ADGRV1: variants seen among roughly 807,000 people sequenced by gnomAD.
ADGRV1 encodes G-protein coupled receptor 98.
A neutral mutation model predicts 596.2 loss-of-function variants in ADGRV1; 359 were observed. That is an observed-to-expected ratio of 0.60 (90% confidence interval 0.55 to 0.66). The LOEUF (loss-of-function observed/expected upper bound fraction) is 0.66. Ranked by LOEUF, ADGRV1 falls within the 30% of genes least tolerant of loss-of-function variation. The pLI, the probability that ADGRV1 is intolerant of heterozygous loss-of-function variation, is 0.00. For missense variants in ADGRV1, 7,274 were observed against 7,575.6 expected, an observed-to-expected ratio of 0.96 and a Z score of 1.48; for synonymous variants, 2,681 against 2,679.2, an observed-to-expected ratio of 1.00 and a Z score of -0.02.
At chr5:90,662,273 A>G (rs1037622176) in intron 21 of ADGRV1, among the ~76,000 whole-genome samples, 2 of 145,146 alleles carry the variant, frequency 1.4e-5, no homozygotes, top group African/African-American at 5.2e-5. Context: ...GGCTCACTGC[A>G]AGCTCCACCT....
At chr5:90,570,904 G>A (rs1212901649) in intron 1 of ADGRV1, among the ~76,000 whole-genome samples, 5 of 151,928 alleles carry the variant, frequency 3.3e-5, no homozygotes, top group African/African-American at 1.2e-4. Context: ...TCTTTGTCTA[G>A]TAAGTCTAAC....
intron 45 of ADGRV1, among the ~76,000 whole-genome samples, chr5:90,723,599 T>C (rs1335432389): frequency 1.3e-5 from 2 of 152,240 alleles, no homozygotes; most frequent in African/African-American, 4.8e-5. Context: ...CATTTGGGAC[T>C]CTAAATGAAA....
chr5:90,639,509 GT>G (rs892214401), intron 11 of ADGRV1, among the ~76,000 whole-genome samples: 7 of 151,928 alleles, frequency 4.6e-5, no homozygotes, highest in Non-Finnish European at 1.0e-4. Context: ...ATTTTTAAGG[GT>G]TTATTTTGTT....
At chr5:90,587,465 G>A (rs999492942) in intron 1 of ADGRV1, among the ~76,000 whole-genome samples, 3 of 151,712 alleles carry the variant, frequency 2.0e-5, no homozygotes, top group African/African-American at 7.3e-5. Context: ...AAGTCATGAC[G>A]TGATACTGAT....
At chr5:90,604,616 A>T (rs1346146752) in intron 1 of ADGRV1, among the ~76,000 whole-genome samples, 1 of 152,118 alleles carries the variant, frequency 6.6e-6, no homozygotes, top group Non-Finnish European at 1.5e-5. Context: ...CTATCCTTAG[A>T]TCCTTAAGAC....
intron 85 of ADGRV1, among the ~76,000 whole-genome samples, chr5:91,040,574 T>A (rs1166931834): frequency 6.6e-6 from 1 of 152,232 alleles, no homozygotes; most frequent in Non-Finnish European, 1.5e-5. Flanking sequence ...ATATTACGTT[T>A]ATATTAGGTG....
chr5:90,876,598 C>T (rs946321947), intron 83 of ADGRV1, among the ~76,000 whole-genome samples: 1 of 152,128 alleles, frequency 6.6e-6, no homozygotes, highest in African/African-American at 2.4e-5. Flanking sequence ...ACTTGAGCAA[C>T]CTTTCACTCT....
chr5:91,058,407 A>G (rs1031664224), intron 85 of ADGRV1, among the ~76,000 whole-genome samples: 1 of 151,822 alleles, frequency 6.6e-6, no homozygotes, highest in African/African-American at 2.4e-5. Flanking sequence ...TCCAGAATGC[A>G]GGCTTTGAAA....
chr5:91,083,258 G>C (rs1332666688), intron 86 of ADGRV1, among the ~76,000 whole-genome samples: 1 of 151,518 alleles, frequency 6.6e-6, no homozygotes, highest in Non-Finnish European at 1.5e-5. Flanking sequence ...GGGGGGATGG[G>C]GGAGGGATAG....
chr5:90,679,540 C>T lies in ADGRV1; in HGVS notation c.5444-9C>T, dbSNP rs762060668. 1.1e-5 allele frequency: 17 copies of T among 1,608,522 alleles called. No homozygotes were observed. In the Admixed American group the frequency reaches 1.2e-4, roughly 11 times the overall value. On this transcript the variant is annotated splice_polypyrimidine_tract_variant and intron_variant, in intron 25 of 89. Transcript: ENST00000405460. Reference sequence around the variant, plus strand: ...TGTGTGGGTTGTGTCTCTGTGTCTCCTTGTGAAGTAGCTGAACTCTTTAGG... The same window carrying T: ...TGTGTGGGTTGTGTCTCTGTGTCTCTTTGTGAAGTAGCTGAACTCTTTAGG...
At chr5:90,611,936 T>C (rs1222377534) in intron 1 of ADGRV1, among the ~76,000 whole-genome samples, 3 of 152,072 alleles carry the variant, frequency 2.0e-5, no homozygotes, top group South Asian at 2.1e-4. Context: ...TTCAAAGCTT[T>C]TTTTAATCTT....
At chr5:90,700,049 C>T (rs905249410) in intron 34 of ADGRV1, among the ~76,000 whole-genome samples, 1 of 151,838 alleles carries the variant, frequency 6.6e-6, no homozygotes, top group South Asian at 2.1e-4. Context: ...AAGCCTTTTC[C>T]TAGATTATAA....
At chr5:90,719,097 AG>A (rs1362902428) in intron 43 of ADGRV1, among the ~76,000 whole-genome samples, 1 of 152,126 alleles carries the variant, frequency 6.6e-6, no homozygotes, top group Non-Finnish European at 1.5e-5. Context: ...TCCGGGGGCT[AG>A]GCGGGCGGAT....
intron 83 of ADGRV1, among the ~76,000 whole-genome samples, chr5:90,951,490 TA>T (rs1426841548): frequency 8.5e-6 from 1 of 117,608 alleles, no homozygotes; most frequent in Non-Finnish European, 1.9e-5. Flanking sequence ...AATTTTATTT[TA>T]TTTTTTTCAC....
chr5:91,019,363 T>C (rs1479708556), intron 85 of ADGRV1, among the ~76,000 whole-genome samples: 1 of 152,172 alleles, frequency 6.6e-6, no homozygotes, highest in East Asian at 1.9e-4. Context: ...GCATTCACCT[T>C]TGTGATTGTT....
intron 50 of ADGRV1, among the ~76,000 whole-genome samples, chr5:90,740,983 CA>C (rs1364810678): frequency 6.6e-6 from 1 of 152,202 alleles, no homozygotes; most frequent in African/African-American, 2.4e-5. Context: ...GGATATTCAT[CA>C]AGGTATTCTT....
rs1777533643 is a variant in ADGRV1 at position 90,956,925 on chromosome 5, A to G, written c.17857-8490A>G. 2.0e-5 allele frequency among the ~76,000 whole-genome samples: 3 copies of G among 152,180 alleles called. No individual in the cohort carries two copies. The South Asian group carries it at 6.2e-4, about 31-fold the overall frequency. On this transcript the variant is annotated intron_variant, in intron 83 of 89. Coordinates refer to ENST00000405460, the MANE Select transcript of ADGRV1 (RefSeq NM_032119.4). ...ATGCTATCAATAACAGCAAATGTTA[A>G]GATTTAGTATTGACAGAATATTCCT...
chr5:91,139,752 C>T (rs972322843), intron 87 of ADGRV1, among the ~76,000 whole-genome samples: 3 of 152,144 alleles, frequency 2.0e-5, no homozygotes, highest in Non-Finnish European at 2.9e-5. Flanking sequence ...TTACATAGTT[C>T]AGCCTGTTCT....
At chr5:90,672,313 A>C (rs1772596583) in intron 21 of ADGRV1, among the ~76,000 whole-genome samples, 1 of 152,232 alleles carries the variant, frequency 6.6e-6, no homozygotes, top group Admixed American at 6.5e-5. Flanking sequence ...AAGACATTAT[A>C]ATTCTTTTTG....
Sources: allele counts gnomAD v4.1 joint callset (sites outside exome capture counted in the v4.1 genomes callset), GRCh38; gene constraint gnomAD v4.1.1; transcripts MANE v1.5; gene names NCBI Gene and HGNC (gene_info 2026-07-23, HGNC 2026-07-21).